C6orf89: variants seen among roughly 807,000 people sequenced by gnomAD.
C6orf89 encodes the protein chromosome 6 open reading frame 89.
A neutral mutation model predicts 40.7 loss-of-function variants in C6orf89; 29 were observed. The observed-to-expected ratio is 0.71, with a 90% CI of 0.53 to 0.97. The LOEUF is 0.97. Among genes scored for constraint, C6orf89 ranks in the 50% least tolerant of loss-of-function variants. The pLI, the probability that C6orf89 is intolerant of heterozygous loss-of-function variation, is 0.00. For synonymous variants in C6orf89, 165 were observed against 152.2 expected (o/e 1.08, Z -0.62); for missense variants, 392 against 429.1 (o/e 0.91, Z 0.76).
At chr6:36,897,273 C>T (rs1019876080) in intron 2 of C6orf89, among the ~76,000 whole-genome samples, 5 of 151,870 alleles carry the variant, frequency 3.3e-5, no homozygotes, top group Admixed American at 1.3e-4. Context: ...GTAGGGTATT[C>T]GTTCCAGAAT....
At chr6:36,907,950 T>C (rs993032679) in intron 4 of C6orf89, among the ~76,000 whole-genome samples, 7 of 152,170 alleles carry the variant, frequency 4.6e-5, no homozygotes, top group African/African-American at 1.7e-4. Context: ...TCCAGCCAGT[T>C]GTATAGAGAA....
Position 36,925,043 on chromosome 6 carries a change from G to A in C6orf89, c.*1602G>A, listed in dbSNP as rs79792371. ...CCTCCACGGGCTTCAGTGAAACTCC[G>A]ATGAACTGTACCTGAGGGAATTTTT... is the stretch of plus-strand genomic sequence containing the variant. On this transcript the variant is annotated 3_prime_UTR_variant, in exon 9 of 9. Coordinates refer to ENST00000480824, the MANE Select transcript of C6orf89 (RefSeq NM_001286635.2). 13 of 148,428 alleles carry A rather than the reference G, an allele frequency of 8.8e-5. No individual in the cohort carries two copies. The highest frequency in any genetic ancestry group is 2.6e-4 in the African/African-American group (10 of 38,776). The allele number at this position is 148,428 out of a possible 1,614,324, so 9.2% of individuals were successfully genotyped here.
intron 1 of C6orf89, among the ~76,000 whole-genome samples, chr6:36,876,537 C>G (rs753052285): frequency 2.0e-5 from 3 of 151,974 alleles, no homozygotes; most frequent in Non-Finnish European, 2.9e-5. Flanking sequence ...CCAACCTGAC[C>G]AACATGGTGA....
intron 2 of C6orf89, chr6:36,879,279 A>C (rs938766702): frequency 3.9e-5 from 6 of 152,212 alleles, no homozygotes; most frequent in African/African-American, 1.4e-4. Flanking sequence ...GGCAAATATA[A>C]ACCTTGCCAG....
intron 1 of C6orf89, among the ~76,000 whole-genome samples, chr6:36,890,536 A>C (rs532606147): frequency 4.9e-5 from 7 of 143,888 alleles, no homozygotes; most frequent in Non-Finnish European, 9.3e-5. Flanking sequence ...ATTTAAAAAA[A>C]AAATTTTATT....
At position 36,923,487 on chromosome 6, in the gene C6orf89, G is replaced by C; in HGVS notation, c.*46G>C. The C allele has an allele frequency of 4.8e-6, 7 of 1,443,396 alleles. No individual in the cohort carries two copies. The highest frequency in any genetic ancestry group is 6.8e-6 in the Non-Finnish European group (7 of 1,025,350). The allele number at this position is 1,443,396 out of a possible 1,614,324, so 89.4% of individuals were successfully genotyped here. A position where few individuals can be genotyped will look rare whatever the true frequency, so the allele number is the denominator to read the frequency against. On this transcript the variant is annotated 3_prime_UTR_variant, in exon 9 of 9. Coordinates refer to ENST00000480824, the MANE Select transcript of C6orf89 (RefSeq NM_001286635.2). ...AACAGCTTCCAGAGCCGAAAACCAG[G>C]TTGAAAGGGGAAAAATAAAAACAAA...
intron 2 of C6orf89, among the ~76,000 whole-genome samples, chr6:36,895,126 T>C (rs144583294): frequency 4.3e-4 from 66 of 152,340 alleles, no homozygotes; most frequent in Non-Finnish European, 7.8e-4. Flanking sequence ...CATGCATTGC[T>C]GTACATCTCT....
At chr6:36,911,335 C>A (rs541807691) in intron 4 of C6orf89, among the ~76,000 whole-genome samples, 347 of 152,082 alleles carry the variant, frequency 2.3e-3, no homozygotes, top group African/African-American at 7.6e-3. Context: ...ACTAAAAATA[C>A]AAAAATGAGC....
At chr6:36,902,925 C>T (rs1761778128) in intron 4 of C6orf89, among the ~76,000 whole-genome samples, 1 of 152,142 alleles carries the variant, frequency 6.6e-6, no homozygotes, top group African/African-American at 2.4e-5. Context: ...TCTGTCACAG[C>T]TCATTTAATT....
intron 1 of C6orf89, chr6:36,872,059 T>C (rs1369102740): frequency 2.0e-6 from 1 of 508,348 alleles, no homozygotes; most frequent in Non-Finnish European, 3.2e-6. Flanking sequence ...TTATCTTTTT[T>C]GAGTAAAACA....
At chr6:36,874,613 C>T in intron 1 of C6orf89, 1 of 1,470,462 alleles carries the variant, frequency 6.8e-7, no homozygotes, top group Non-Finnish European at 9.4e-7. Context: ...CGCCCCTCCA[C>T]GTGGAGGCCG....
intron 4 of C6orf89, 30 bp from the exon 5 acceptor site, chr6:36,914,252 ATC>A: frequency 1.3e-6 from 2 of 1,584,278 alleles, no homozygotes; most frequent in East Asian, 2.2e-5. Flanking sequence ...CTCTTTCAGT[ATC>A]TGTTTTCTCC....
intron 1 of C6orf89, among the ~76,000 whole-genome samples, chr6:36,873,606 T>C (rs1452858340): frequency 6.6e-6 from 1 of 152,232 alleles, no homozygotes; most frequent in Admixed American, 6.5e-5. Flanking sequence ...ATTTATTTTG[T>C]AACTTTAAAA....
upstream of C6orf89, among the ~76,000 whole-genome samples, chr6:36,883,737 A>G (rs1238725478): frequency 6.6e-6 from 1 of 152,224 alleles, no homozygotes; most frequent in Admixed American, 6.5e-5. Context: ...CTAGAAAGAC[A>G]TCCATTTGTT....
At chr6:36,919,030 G>A (rs573683234) in intron 7 of C6orf89, among the ~76,000 whole-genome samples, 1 of 152,178 alleles carries the variant, frequency 6.6e-6, no homozygotes, top group Admixed American at 6.5e-5. Context: ...ACTTGCTGCT[G>A]TACAATTCTT....
In C6orf89 at chr6:36,927,461, CAG is replaced by C. The variant is rs1762722360; in HGVS notation, c.*4027_*4028del. ...AGAGAAAGGCGCATGTCTGTTTGCA[CAG>C]AGAGAGGCAATTTTGTCTACCTTTC... On this transcript the variant is annotated 3_prime_UTR_variant, in exon 9 of 9. Coordinates refer to ENST00000480824, the MANE Select transcript of C6orf89 (RefSeq NM_001286635.2). The C allele has an allele frequency of 6.6e-6, 1 of 152,200 alleles. No individual in the cohort carries two copies. Among genetic ancestry groups the C allele is most frequent in the African/African-American group, 2.4e-5 (1 of 41,438 alleles). 9.4% of individuals were successfully genotyped at this position (152,200 alleles called of 1,614,324 possible). A position where few individuals can be genotyped will look rare whatever the true frequency, so the allele number is the denominator to read the frequency against.
At chr6:36,923,258 C>G (rs1452931355) in intron 8 of C6orf89, 89 bp from the exon 9 acceptor site, 2 of 866,272 alleles carry the variant, frequency 2.3e-6, no homozygotes, top group Non-Finnish European at 3.7e-6. Flanking sequence ...ACCCTGAGGG[C>G]CAGCTCTGGC....
Position 36,916,473 on chromosome 6 carries a change from TTA to T in C6orf89, c.725_726del (p.Leu242SerfsTer2). ...WRRPLNRSQM[L>X]RELFPVFTHL... ...GAGACCTCTGAACAGATCACAAATG[TTA>T]CGTGAGCTTTTTCCTGTTTTCACTC... On this transcript the variant is annotated frameshift_variant, in exon 7 of 9. Transcript: ENST00000480824. LOFTEE classifies it high-confidence loss of function. 6.2e-7 allele frequency: 1 copy of T among 1,614,242 alleles called. No individual in the cohort carries two copies. Among genetic ancestry groups the T allele is most frequent in the Middle Eastern group, 1.6e-4 (1 of 6,062 alleles).
At position 36,919,683 on chromosome 6, in the gene C6orf89, A is replaced by G. The variant is rs199817505; in HGVS notation, c.931A>G (p.Ile311Val). ...RRHCQSVAMP[I>V]EPGDIGYVDT... ...ACATTGTCAGTCTGTGGCCATGCCAATAGAGCCAGGGGATATCGGTATGTA... is the reference window on the plus strand; with the variant it reads ...ACATTGTCAGTCTGTGGCCATGCCAGTAGAGCCAGGGGATATCGGTATGTA... The change falls in exon 8 of 9, where the codon ATA becomes GTA. Residue 311 changes from isoleucine to valine, a missense_variant. By Grantham distance (29) the Ile-to-Val change is conservative (BLOSUM62 3). Transcript: ENST00000480824. The G allele has an allele frequency of 8.2e-5, 132 of 1,613,910 alleles. No homozygotes were observed. Among genetic ancestry groups the G allele is most frequent in the Middle Eastern group, 1.7e-4 (1 of 6,056 alleles).
Sources: allele counts gnomAD v4.1 joint callset (sites outside exome capture counted in the v4.1 genomes callset), GRCh38; gene constraint gnomAD v4.1.1; transcripts MANE v1.5; gene names NCBI Gene and HGNC (gene_info 2026-07-23, HGNC 2026-07-21).